GPC6: variants seen among roughly 807,000 people sequenced by gnomAD.
The protein encoded by GPC6 is glypican-6.
GPC6 carries 14 observed loss-of-function variants against 55.2 expected under a neutral mutation model. That is an observed-to-expected ratio of 0.25 (90% confidence interval 0.17 to 0.40). GPC6 has a LOEUF of 0.40. GPC6 is among the 10% of genes least tolerant of loss of function. The probability of loss-of-function intolerance (pLI) is 1.00; values close to 1 mark genes in which losing one functional copy is unlikely to be tolerated. For synonymous variants in GPC6, 278 were observed against 259.6 expected (o/e 1.07, Z -0.68); for missense variants, 641 against 708.5 (o/e 0.90, Z 1.08).
Position 93,227,396 on chromosome 13 carries a change from G to T in GPC6, c.-61G>T. The stretch of plus-strand genomic sequence containing the variant: ...TGCCTCTGGCGGGCTTTCGGCTTGA[G>T]GGGCAAGGTGAAGAGCGCACCGGCC... On this transcript the variant is annotated 5_prime_UTR_variant, in exon 1 of 9. It adds an upstream start codon to the 5' untranslated region. Coordinates refer to ENST00000377047, the MANE Select transcript of GPC6 (RefSeq NM_005708.5). The surrounding 1 kb of genome is among the most constrained non-coding windows in gnomAD (Gnocchi z 4.3). The T allele has an allele frequency of 6.4e-7, 1 of 1,567,006 alleles. No individual in the cohort carries two copies. The highest frequency in any genetic ancestry group is 8.7e-7 in the Non-Finnish European group (1 of 1,143,260).
At chr13:93,899,865 G>T (rs1434886689) in intron 3 of GPC6, among the ~76,000 whole-genome samples, 2 of 152,122 alleles carry the variant, frequency 1.3e-5, no homozygotes, top group Non-Finnish European at 2.9e-5. Flanking sequence ...ATTAAGGAAT[G>T]TTGATCAGGC....
At chr13:94,304,945 A>T (rs1875865126) in intron 5 of GPC6, among the ~76,000 whole-genome samples, 1 of 152,212 alleles carries the variant, frequency 6.6e-6, no homozygotes, top group African/African-American at 2.4e-5. Context: ...CTTCCAGTAG[A>T]GATTTTCATT....
At chr13:93,428,916 C>T (rs1473982230) in intron 1 of GPC6, among the ~76,000 whole-genome samples, 1 of 152,100 alleles carries the variant, frequency 6.6e-6, no homozygotes, top group African/African-American at 2.4e-5. Flanking sequence ...GATAGGAAAA[C>T]TGAGGCCCAA....
intron 1 of GPC6, among the ~76,000 whole-genome samples, chr13:93,485,225 A>T (rs2139346784): frequency 6.6e-6 from 1 of 152,328 alleles, no homozygotes; most frequent in African/African-American, 2.4e-5. Context: ...TTCTAGCACA[A>T]AGGGGAGTCC....
At chr13:93,462,934 C>G (rs1878753804) in intron 1 of GPC6, among the ~76,000 whole-genome samples, 1 of 152,122 alleles carries the variant, frequency 6.6e-6, no homozygotes, top group East Asian at 1.9e-4. Flanking sequence ...TATTTGCCTC[C>G]TAAGGCTTCA....
chr13:93,239,424 C>T (rs1285294749), intron 1 of GPC6, among the ~76,000 whole-genome samples: 3 of 151,630 alleles, frequency 2.0e-5, no homozygotes, highest in Non-Finnish European at 4.4e-5. Flanking sequence ...ACTGATACCA[C>T]AGAAATACAA....
chr13:93,349,485 A>G (rs576520180), intron 1 of GPC6, among the ~76,000 whole-genome samples: 1 of 152,264 alleles, frequency 6.6e-6, no homozygotes, highest in Admixed American at 6.5e-5. Context: ...TGCATTTTAG[A>G]TGATTATTTT....
chr13:93,735,586 A>G (rs367852193), intron 2 of GPC6, among the ~76,000 whole-genome samples: 22 of 152,216 alleles, frequency 1.4e-4, no homozygotes, highest in African/African-American at 4.8e-4. Flanking sequence ...AGGGATGACA[A>G]TCATCTTTGA....
chr13:93,823,866 ATACT>A (rs1306111012), intron 2 of GPC6, among the ~76,000 whole-genome samples: 2 of 152,210 alleles, frequency 1.3e-5, no homozygotes, highest in Non-Finnish European at 2.9e-5. Context: ...GTAAATAATA[ATACT>A]TATAATAAAC....
chr13:94,328,046 C>T (rs1298339014), intron 6 of GPC6, among the ~76,000 whole-genome samples: 5 of 152,114 alleles, frequency 3.3e-5, no homozygotes, highest in Non-Finnish European at 4.4e-5. Flanking sequence ...ACAAAGCCAA[C>T]AGTAGAGAAG....
intron 2 of GPC6, among the ~76,000 whole-genome samples, chr13:93,697,650 A>G (rs1488512005): frequency 6.6e-6 from 1 of 152,152 alleles, no homozygotes; most frequent in Non-Finnish European, 1.5e-5. Context: ...ACCGTCCATT[A>G]CTTTGTCCAT....
intron 1 of GPC6, among the ~76,000 whole-genome samples, chr13:93,261,122 T>A (rs1407491833): frequency 6.6e-5 from 10 of 152,174 alleles, no homozygotes; most frequent in Non-Finnish European, 8.8e-5. Context: ...CTTTCCTTTC[T>A]GAAGCCTGTA....
At chr13:93,834,357 A>G (rs1309881917) in intron 3 of GPC6, among the ~76,000 whole-genome samples, 8 of 152,222 alleles carry the variant, frequency 5.3e-5, no homozygotes, top group Admixed American at 3.3e-4. Flanking sequence ...TCTAAAATAC[A>G]TACATTTTTA....
intron 2 of GPC6, among the ~76,000 whole-genome samples, chr13:93,663,805 T>C (rs1881025078): frequency 6.6e-6 from 1 of 152,178 alleles, no homozygotes; most frequent in Admixed American, 6.5e-5. Flanking sequence ...GCAAGGACTG[T>C]GCTAGATGTA....
At chr13:93,643,100 T>A (rs1026306189) in intron 2 of GPC6, among the ~76,000 whole-genome samples, 1 of 152,162 alleles carries the variant, frequency 6.6e-6, no homozygotes, top group Non-Finnish European at 1.5e-5. Flanking sequence ...TTGTGATTTT[T>A]AAGCCATTAT....
chr13:93,534,819 C>G (rs1881994459), intron 1 of GPC6, among the ~76,000 whole-genome samples: 1 of 152,150 alleles, frequency 6.6e-6, no homozygotes, highest in African/African-American at 2.4e-5. Flanking sequence ...TGGTAGAACT[C>G]CCTTCTTTCA....
chr13:94,402,796 G>GA (rs1566763476), intron 8 of GPC6, among the ~76,000 whole-genome samples: 2 of 152,104 alleles, frequency 1.3e-5, no homozygotes, highest in African/African-American at 4.8e-5. Context: ...AGCCGTGGGG[G>GA]AAGAGCCCCT....
chr13:93,784,826 A>C (rs1012413810), intron 2 of GPC6, among the ~76,000 whole-genome samples: 1 of 152,180 alleles, frequency 6.6e-6, no homozygotes, highest in African/African-American at 2.4e-5. Flanking sequence ...ACACATGTAC[A>C]AATAACCACA....
intron 2 of GPC6, among the ~76,000 whole-genome samples, chr13:93,783,968 T>A (rs7995690): frequency 0.24 from 35,857 of 152,118 alleles, 4,727 homozygotes; most frequent in East Asian, 0.35. Context: ...GATTATAACG[T>A]CATGTAATAT....
Sources: allele counts gnomAD v4.1 joint callset (sites outside exome capture counted in the v4.1 genomes callset), GRCh38; gene constraint gnomAD v4.1.1; non-coding constraint Gnocchi (gnomAD v3.1); transcripts MANE v1.5; gene names NCBI Gene and HGNC (gene_info 2026-07-23, HGNC 2026-07-21).